KCTD3: variants seen among roughly 807,000 people sequenced by gnomAD.
KCTD3 encodes the protein potassium channel tetramerization domain containing 3.
KCTD3 carries 41 observed loss-of-function variants against 85.8 expected under a neutral mutation model. That is an observed-to-expected ratio of 0.48 (90% CI 0.37 to 0.62). The LOEUF is 0.62. Ranked by LOEUF, KCTD3 falls within the 20% of genes least tolerant of loss-of-function variation. The pLI, the probability that KCTD3 is intolerant of heterozygous loss-of-function variation, is 0.00. For synonymous variants in KCTD3, 338 were observed against 345.4 expected, an observed-to-expected ratio of 0.98 and a Z score of 0.24; for missense variants, 724 against 989.9, an observed-to-expected ratio of 0.73 and a Z score of 3.60.
intron 14 of KCTD3, among the ~76,000 whole-genome samples, chr1:215,609,906 G>A (rs1571897615): frequency 6.6e-6 from 1 of 151,892 alleles, no homozygotes; most frequent in Non-Finnish European, 1.5e-5. Flanking sequence ...AACTTAACTA[G>A]AAGTTATGTT....
rs181639567 is a variant in KCTD3 at position 215,580,612 on chromosome 1, A to G, written c.626+613A>G. 1.1e-3 allele frequency among the ~76,000 whole-genome samples: 160 copies of G among 152,270 alleles called. 2 individuals are homozygous for G. Among genetic ancestry groups the G allele is most frequent in the African/African-American group, 3.6e-3 (151 of 41,564 alleles). On this transcript the variant is annotated intron_variant, in intron 8 of 17. Transcript: ENST00000259154. ...GGAAAGTGATAGGACTCTTAGTTCA[A>G]AATCACTGTACTCATTGAGAAATGT...
intron 14 of KCTD3, among the ~76,000 whole-genome samples, chr1:215,610,624 C>T (rs946066618): frequency 1.3e-5 from 2 of 151,922 alleles, no homozygotes; most frequent in Non-Finnish European, 2.9e-5. Flanking sequence ...ATTGTCATTT[C>T]ATTTTAATAA....
chr1:215,585,246 T>C (rs1421939148), intron 8 of KCTD3, among the ~76,000 whole-genome samples: 1 of 152,218 alleles, frequency 6.6e-6, no homozygotes, highest in Non-Finnish European at 1.5e-5. Context: ...TTTGTTTATC[T>C]TAACAAATGA....
intron 9 of KCTD3, among the ~76,000 whole-genome samples, chr1:215,592,872 G>C (rs1237116343): frequency 6.6e-6 from 1 of 152,140 alleles, no homozygotes; most frequent in Non-Finnish European, 1.5e-5. Flanking sequence ...CTTAAGACAG[G>C]AACTGGTCAT....
chr1:215,610,093 T>TA (rs1411778297), intron 14 of KCTD3, among the ~76,000 whole-genome samples: 1 of 151,966 alleles, frequency 6.6e-6, no homozygotes, highest in East Asian at 1.9e-4. Context: ...TAGTGGTATT[T>TA]AAAATATATA....
intron 8 of KCTD3, among the ~76,000 whole-genome samples, chr1:215,583,198 C>A (rs570144729): frequency 1.3e-5 from 2 of 151,874 alleles, no homozygotes; most frequent in Non-Finnish European, 2.9e-5. Context: ...CAGAGCAGCC[C>A]TGAGGGCTGC....
In KCTD3 at chr1:215,615,577, G is replaced by A. The variant is rs111228517; in HGVS notation, c.1563-3309G>A. On this transcript the variant is annotated intron_variant, in intron 15 of 17. Coordinates refer to ENST00000259154, the MANE Select transcript of KCTD3 (RefSeq NM_016121.5). ...GGAGCTTGCAGTGAGCTGAGATCGC[G>A]CCACTGCACTCCAGCCTGGGCGACA... 3.6e-3 allele frequency among the ~76,000 whole-genome samples: 537 copies of A among 150,824 alleles called. 4 individuals are homozygous for A. The highest frequency in any genetic ancestry group is 0.013 in the African/African-American group (520 of 41,024).
chr1:215,582,153 A>G (rs1032430211), intron 8 of KCTD3, among the ~76,000 whole-genome samples: 4 of 152,080 alleles, frequency 2.6e-5, no homozygotes, highest in Admixed American at 1.3e-4. Context: ...AGATTTAAGG[A>G]TTTATTTTCT....
At chr1:215,613,330 G>A (rs1571900123) in intron 15 of KCTD3, among the ~76,000 whole-genome samples, 1 of 152,064 alleles carries the variant, frequency 6.6e-6, no homozygotes, top group Non-Finnish European at 1.5e-5. Flanking sequence ...TGTTCGTGTC[G>A]TTTGCCCACT....
chr1:215,571,629 CTT>C (rs563959943), intron 1 of KCTD3, among the ~76,000 whole-genome samples: 4 of 141,764 alleles, frequency 2.8e-5, no homozygotes, highest in Non-Finnish European at 1.6e-5. Context: ...TGGAGATAAA[CTT>C]TTTTTTTTTT....
chr1:215,608,258 GTT>G (rs1655107527), intron 14 of KCTD3, 86 bp downstream of exon 14: 1 of 813,082 alleles, frequency 1.2e-6, no homozygotes, highest in Non-Finnish European at 1.8e-6. Flanking sequence ...ACAAAAATGA[GTT>G]TTAAATACAA....
intron 6 of KCTD3, 117 bp downstream of exon 6, chr1:215,578,198 G>T (rs1571873860): frequency 1.3e-6 from 1 of 796,582 alleles, no homozygotes; most frequent in Non-Finnish European, 2.0e-6. Flanking sequence ...AAATCTATTA[G>T]AAATGGTAAG....
At chr1:215,570,056 G>T (rs1042208191) in intron 1 of KCTD3, among the ~76,000 whole-genome samples, 1 of 152,066 alleles carries the variant, frequency 6.6e-6, no homozygotes, top group Non-Finnish European at 1.5e-5. Context: ...CCTGTATCTT[G>T]TACAAAACAC....
rs369363237 is a variant in KCTD3 at position 215,619,147 on chromosome 1, C to G, written c.1748-6C>G. On this transcript the variant is annotated splice_polypyrimidine_tract_variant and splice_region_variant and intron_variant, in intron 16 of 17. Transcript: ENST00000259154. ...AGTGATTTTAATGACTATTTGTTCT[C>G]CTAAGATGTAGGTGGTCCAACCGAA... 9.9e-6 allele frequency: 16 copies of G among 1,612,730 alleles called. No homozygotes were observed. In the African/African-American group the frequency reaches 1.9e-4, roughly 19 times the overall value.
intron 7 of KCTD3, 150 bp downstream of exon 7, chr1:215,579,287 T>A: frequency 1.6e-6 from 1 of 620,042 alleles, no homozygotes; most frequent in Non-Finnish European, 2.7e-6. Context: ...ATTTAACACT[T>A]AATTTTTATT....
chr1:215,587,022 C>T (rs560952069), intron 9 of KCTD3, among the ~76,000 whole-genome samples: 13 of 152,250 alleles, frequency 8.5e-5, no homozygotes, highest in Non-Finnish European at 1.6e-4. Flanking sequence ...TCTTGCTCCT[C>T]ATTGTTGCTT....
At chr1:215,573,105 T>C (rs1469850101) in intron 1 of KCTD3, among the ~76,000 whole-genome samples, 1 of 152,210 alleles carries the variant, frequency 6.6e-6, no homozygotes, top group East Asian at 1.9e-4. Flanking sequence ...AACAGTGATG[T>C]ATTTGGCTGA....
chr1:215,595,463 C>A lies in KCTD3; in HGVS notation c.925C>A (p.His309Asn). 2 of 1,592,050 alleles carry A rather than the reference C, an allele frequency of 1.3e-6. No individual in the cohort carries two copies. Among genetic ancestry groups the A allele is most frequent in the Non-Finnish European group, 1.7e-6 (2 of 1,160,118 alleles). ...GGGAGTGTGGAATGCTGTCACTCAGCACTGGCAGGTTAGTTTAAAGCATAT... is the reference window on the plus strand; with the variant it reads ...GGGAGTGTGGAATGCTGTCACTCAGAACTGGCAGGTTAGTTTAAAGCATAT... The part of the protein sequence containing the change: ...KVGVWNAVTQ[H>N]WQVQDVVPIT... Residue 309 changes from histidine to asparagine, a missense_variant, in exon 10 of 18, where the codon CAC becomes AAC. Coordinates refer to ENST00000259154, the MANE Select transcript of KCTD3 (RefSeq NM_016121.5).
In KCTD3 at chr1:215,601,856, C is replaced by G. The variant is rs200612833; in HGVS notation, c.934-11C>G. 2.1e-6 allele frequency: 3 copies of G among 1,406,462 alleles called. No homozygotes were observed. Among genetic ancestry groups the G allele is most frequent in the Admixed American group, 3.5e-5 (2 of 56,394 alleles). The allele number at this position is 1,406,462 out of a possible 1,614,324, so 87.1% of individuals were successfully genotyped here. On this transcript the variant is annotated splice_polypyrimidine_tract_variant and intron_variant, in intron 10 of 17. Coordinates refer to ENST00000259154, the MANE Select transcript of KCTD3 (RefSeq NM_016121.5). ...ACTATCTAACATCTGATAATACTCT[C>G]ACTACATCAGGTTCAAGATGTTGTT...
Sources: allele counts gnomAD v4.1 joint callset (sites outside exome capture counted in the v4.1 genomes callset), GRCh38; gene constraint gnomAD v4.1.1; transcripts MANE v1.5; gene names NCBI Gene and HGNC (gene_info 2026-07-23, HGNC 2026-07-21).